The following FCHO1 variants were observed in gnomAD, a reference collection of about 807,000 sequenced individuals.
FCHO1 encodes the protein F-BAR domain only protein 1.
FCHO1 carries 45 observed loss-of-function variants against 114.4 expected under a neutral mutation model. That is an observed-to-expected ratio of 0.39 (90% confidence interval 0.31 to 0.50). FCHO1 has a LOEUF of 0.50. Among genes scored for constraint, FCHO1 ranks in the 20% least tolerant of loss-of-function variants. The pLI, the probability that FCHO1 is intolerant of heterozygous loss-of-function variation, is 0.77. For missense variants in FCHO1, 1,042 were observed against 1,209.6 expected (o/e 0.86, Z 2.06); for synonymous variants, 480 against 488.9 (o/e 0.98, Z 0.24).
At chr19:17,752,754 T>A (rs60224324) in intron 1 of FCHO1, among the ~76,000 whole-genome samples, 4,192 of 136,506 alleles carry the variant, frequency 0.031, 167 homozygotes, top group African/African-American at 0.097. Context: ...AAAAAAAAAA[T>A]TTATTTTTAA....
chr19:17,759,141 T>G (rs922725965), intron 4 of FCHO1, among the ~76,000 whole-genome samples: 1 of 151,616 alleles, frequency 6.6e-6, no homozygotes, highest in African/African-American at 2.4e-5. Context: ...ATCAGATCCC[T>G]CCACAAGCCT....
chr19:17,788,361 C>G lies in FCHO1; in HGVS notation c.*55C>G. On this transcript the variant is annotated 3_prime_UTR_variant, in exon 29 of 29. Coordinates refer to ENST00000596536, the MANE Select transcript of FCHO1 (RefSeq NM_015122.3). ...ACTGCGCCCTGGTGCTGGCTGACCA[C>G]CCCCTGCCCTCCTGCCGGACCCTGG... 3.5e-6 allele frequency: 5 copies of G among 1,430,634 alleles called. No individual in the cohort carries two copies. Among genetic ancestry groups the G allele is most frequent in the Non-Finnish European group, 4.9e-6 (5 of 1,022,916 alleles). The allele number at this position is 1,430,634 out of a possible 1,614,324, so 88.6% of individuals were successfully genotyped here. A position where few individuals can be genotyped will look rare whatever the true frequency, so the allele number is the denominator to read the frequency against.
chr19:17,770,324 C>A (rs1714255294), intron 7 of FCHO1, 101 bp from the exon 8 acceptor site: 1 of 1,263,546 alleles, frequency 7.9e-7, no homozygotes, highest in Non-Finnish European at 1.1e-6. Flanking sequence ...CCAAAACACA[C>A]ACACACACAT....
In FCHO1 at chr19:17,788,292, C is replaced by G; in HGVS notation, c.2656C>G (p.Leu886Val). The G allele has an allele frequency of 6.2e-7, 1 of 1,603,218 alleles. No individual in the cohort carries two copies. Among genetic ancestry groups the G allele is most frequent in the Non-Finnish European group, 8.5e-7 (1 of 1,173,748 alleles). ...CAGCTGCACCCCCACAGGGATGTAC[C>G]TGGTGAGCTGCTGAACCCGCAAATG... is the stretch of plus-strand genomic sequence containing the variant. The part of the protein sequence containing the change: ...VKRRFATGMY[L>V]VSC The change falls in exon 29 of 29, where the codon CTG (leucine) becomes GTG (valine). Residue 886 changes from leucine (L) to valine (V), a missense_variant. This residue lies in a region of FCHO1 where 137 missense variants were observed against 190.0 expected (regional missense o/e 0.72). Transcript: ENST00000596536.
intron 9 of FCHO1, 90 bp from the exon 10 acceptor site, chr19:17,772,367 T>C (rs2087465938): frequency 1.1e-6 from 1 of 932,114 alleles, no homozygotes; most frequent in African/African-American, 1.6e-5. Flanking sequence ...GCCAAGGGCT[T>C]AGGGTATTCT....
intron 11 of FCHO1, 27 bp downstream of exon 11, chr19:17,772,768 G>A (rs190931101): frequency 4.5e-6 from 7 of 1,547,664 alleles, no homozygotes; most frequent in African/African-American, 1.4e-5. Context: ...ATTGGGGGTC[G>A]GGCTTCGGGG....
At chr19:17,786,196 G>A (rs1869189155) in intron 26 of FCHO1, among the ~76,000 whole-genome samples, 1 of 152,140 alleles carries the variant, frequency 6.6e-6, no homozygotes, top group South Asian at 2.1e-4. Context: ...AGCCAGGCGT[G>A]GTGGCGGGCG....
chr19:17,786,651 G>A, intron 27 of FCHO1, 22 bp downstream of exon 27: 1 of 1,603,116 alleles, frequency 6.2e-7, no homozygotes, highest in Admixed American at 1.7e-5. Context: ...TTGTGTATGA[G>A]GGCTGGGTGG....
At position 17,787,741 on chromosome 19, in the gene FCHO1, G is replaced by A. The variant is rs377219095; in HGVS notation, c.2542G>A (p.Val848Met). The change falls in exon 28 of 29, where the codon GTG (valine) becomes ATG (methionine). Residue 848 changes from valine to methionine, a missense_variant. This residue lies in a region of FCHO1 where 137 missense variants were observed against 190.0 expected (regional missense o/e 0.72). Transcript: ENST00000596536. ...CTCAGGGCCCAGCACACCCAGCCCC[G>A]TGGCTGCACAGTTCACCAGCGAGGG... ...PLSGPSTPSP[V>M]AAQFTSEGTT... 87 of 1,593,920 alleles carry A rather than the reference G, an allele frequency of 5.5e-5. No homozygotes were observed. The highest frequency in any genetic ancestry group is 7.0e-5 in the Non-Finnish European group (82 of 1,171,792).
Position 17,778,662 on chromosome 19 carries a change from C to G in FCHO1, c.1405C>G (p.Pro469Ala), listed in dbSNP as rs1245455908. ...SSPSPFSSSS[P>A]ENVEDSGLDS... ...CCCCTCCCCTTTCTCCTCCTCGTCG[C>G]CCGAAAACGTGGAGGATTCCGGCCT... Residue 469 changes from proline (P) to alanine (A), a missense_variant, in exon 20 of 29, where the codon CCC (proline) becomes GCC (alanine). Physicochemically the swap from Pro to Ala is conservative, Grantham distance 27. Coordinates refer to ENST00000596536, the MANE Select transcript of FCHO1 (RefSeq NM_015122.3). The G allele has an allele frequency of 1.3e-6, 2 of 1,573,966 alleles. No homozygotes were observed. The highest frequency in any genetic ancestry group is 1.7e-6 in the Non-Finnish European group (2 of 1,163,972).
rs191355880 is a variant in FCHO1 at position 17,782,239 on chromosome 19, G to T, written c.1937+419G>T. 1.2e-3 allele frequency among the ~76,000 whole-genome samples: 188 copies of T among 152,150 alleles called. 1 individual carries two copies. The highest frequency in any genetic ancestry group is 1.0e-3 in the Non-Finnish European group (69 of 68,008). ...TTGTTTTGAGACAGGGTCTCACTCT[G>T]TTGCCCAGGCTGGAGTGTAGTGGCG... On this transcript the variant is annotated intron_variant, in intron 23 of 28. Coordinates refer to ENST00000596536, the MANE Select transcript of FCHO1 (RefSeq NM_015122.3).
chr19:17,775,215 G>A lies in FCHO1; in HGVS notation c.945+135G>A. 9.8e-7 allele frequency: 1 copy of A among 1,023,938 alleles called. No individual in the cohort carries two copies. The highest frequency in any genetic ancestry group is 2.5e-5 in the East Asian group (1 of 40,118). 63.4% of individuals were successfully genotyped at this position (1,023,938 alleles called of 1,614,324 possible). A position where few individuals can be genotyped will look rare whatever the true frequency, so the allele number is the denominator to read the frequency against. ...GGGCGGGCTGGAGCCTGGGGGCTGG[G>A]TTCATATCCCACCTCAGCTGCAAAG... On this transcript the variant is annotated intron_variant, in intron 14 of 28. Coordinates refer to ENST00000596536, the MANE Select transcript of FCHO1 (RefSeq NM_015122.3). The surrounding 1 kb of genome is among the most constrained non-coding windows in gnomAD (Gnocchi z 5.1).
chr19:17,778,844 G>A lies in FCHO1; in HGVS notation c.1587G>A (p.Ser529=), dbSNP rs372516949. The change falls in exon 20 of 29, where the codon TCG becomes TCA. Residue 529 remains serine (S), a synonymous_variant. Coordinates refer to ENST00000596536, the MANE Select transcript of FCHO1 (RefSeq NM_015122.3). ...PLPDSPQPLA[S]SPGPWGLEAL... ...CAGACTCGCCGCAGCCCCTCGCCTC[G>A]TCTCCAGGCCCCTGGGGGCTGGAGG... 6.4e-7 allele frequency: 1 copy of A among 1,564,552 alleles called. No homozygotes were observed. The highest frequency in any genetic ancestry group is 2.3e-5 in the East Asian group (1 of 43,660).
At chr19:17,764,881 C>T (rs968414542) in intron 6 of FCHO1, among the ~76,000 whole-genome samples, 12 of 151,742 alleles carry the variant, frequency 7.9e-5, no homozygotes, top group Admixed American at 3.9e-4. Context: ...GCCTGGGCAA[C>T]ATGGTGAAAC....
chr19:17,780,063 A>G (rs1197347547), intron 20 of FCHO1, among the ~76,000 whole-genome samples: 1 of 151,870 alleles, frequency 6.6e-6, no homozygotes, highest in African/African-American at 2.4e-5. Flanking sequence ...TAGTGTCAAC[A>G]AGGGCTCCTG....
Position 17,776,177 on chromosome 19 carries a change from G to A in FCHO1, c.1182+16G>A, listed in dbSNP as rs766493036. 1.2e-6 allele frequency: 2 copies of A among 1,613,978 alleles called. No homozygotes were observed. The highest frequency in any genetic ancestry group is 1.7e-6 in the Non-Finnish European group (2 of 1,179,950). ...TGGCCCAGGGGTGAGGCGTGGGAGGGGTGCCCTGGGTGTTGCTAGAGAGGC... is the reference window on the plus strand; with the variant it reads ...TGGCCCAGGGGTGAGGCGTGGGAGGAGTGCCCTGGGTGTTGCTAGAGAGGC... On this transcript the variant is annotated intron_variant, in intron 16 of 28. Transcript: ENST00000596536. This position sits in a 1 kb window ranked among gnomAD's most constrained non-coding sequence, Gnocchi z 4.4.
chr19:17,785,108 G>A (rs1326528403), intron 26 of FCHO1, among the ~76,000 whole-genome samples, 184 bp downstream of exon 26: 5 of 152,186 alleles, frequency 3.3e-5, no homozygotes, highest in African/African-American at 1.2e-4. Context: ...TAATTGCAGT[G>A]CTTTGGGAGG....
intron 4 of FCHO1, among the ~76,000 whole-genome samples, chr19:17,760,256 G>A (rs1473314852): frequency 6.6e-6 from 1 of 152,072 alleles, no homozygotes; most frequent in African/African-American, 2.4e-5. Context: ...TCACCATGTT[G>A]GCCAGTCTGG....
At chr19:17,777,980 A>G (rs1305306822) in intron 18 of FCHO1, among the ~76,000 whole-genome samples, 157 bp from the exon 19 acceptor site, 3 of 152,092 alleles carry the variant, frequency 2.0e-5, no homozygotes, top group Non-Finnish European at 4.4e-5. Context: ...CGGAGGTTGC[A>G]GCAAGCTGAG....
Sources: gnomAD v4.1 joint callset for allele counts (sites outside exome capture counted in the v4.1 genomes callset) on GRCh38, gnomAD v4.1.1 for gene constraint, gnomAD v4.1.1 regional missense constraint, Gnocchi (gnomAD v3.1) non-coding constraint, MANE v1.5 for transcripts, NCBI Gene and HGNC (gene_info 2026-07-23, HGNC 2026-07-21) for gene names.